The following METTL24 variants were observed in gnomAD, a reference collection of about 807,000 sequenced individuals.
The protein encoded by METTL24 is methyltransferase like 24.
In METTL24, 29 loss-of-function variants were observed where a neutral mutation model predicts 32.7. The observed-to-expected ratio is 0.89, with a 90% confidence interval of 0.66 to 1.21. The LOEUF (loss-of-function observed/expected upper bound fraction) is 1.21. METTL24 is among the 50% of genes most tolerant of loss of function. The probability of loss-of-function intolerance (pLI) is 0.00; values close to 1 mark genes in which losing one functional copy is unlikely to be tolerated. For missense variants in METTL24, 439 were observed against 468.1 expected (o/e 0.94, Z 0.57); for synonymous variants, 163 against 179.5 (o/e 0.91, Z 0.73).
chr6:110,255,550 G>A (rs117160677), intron 4 of METTL24, among the ~76,000 whole-genome samples: 1,582 of 152,246 alleles, frequency 0.01, 9 homozygotes, highest in Middle Eastern at 0.017. Flanking sequence ...AGGCAGAAGG[G>A]CAATGGCAGA....
At chr6:110,341,810 G>A (rs34524530) in intron 1 of METTL24, among the ~76,000 whole-genome samples, 10,998 of 152,244 alleles carry the variant, frequency 0.072, 504 homozygotes, top group Non-Finnish European at 0.1. Flanking sequence ...CATAACGTCC[G>A]TCTCACTCAC....
intron 1 of METTL24, among the ~76,000 whole-genome samples, chr6:110,336,747 A>C (rs1181124202): frequency 1.3e-5 from 2 of 151,988 alleles, no homozygotes; most frequent in African/African-American, 4.8e-5. Context: ...TCAAAAAAAA[A>C]AAAAAAAAAC....
At chr6:110,315,842 G>C (rs142622495) in intron 2 of METTL24, among the ~76,000 whole-genome samples, 3 of 152,136 alleles carry the variant, frequency 2.0e-5, no homozygotes, top group African/African-American at 7.2e-5. Flanking sequence ...TGAACCGAGA[G>C]GCTTGGACCA....
intron 4 of METTL24, among the ~76,000 whole-genome samples, chr6:110,251,971 C>T (rs1778288164): frequency 6.6e-6 from 1 of 151,940 alleles, no homozygotes; most frequent in Admixed American, 6.6e-5. Context: ...TGGCGAAATC[C>T]CTTCTCTACT....
intron 1 of METTL24, among the ~76,000 whole-genome samples, chr6:110,332,187 A>G (rs1219104241): frequency 2.0e-5 from 3 of 152,226 alleles, no homozygotes; most frequent in Non-Finnish European, 4.4e-5. Flanking sequence ...TAAAAAATAT[A>G]AGACAAGAAG....
At position 110,244,280 on chromosome 6, in the gene METTL24, A is replaced by G. The variant is rs1334781594; in HGVS notation, c.*1666T>C. 1.3e-5 allele frequency among the ~76,000 whole-genome samples: 2 copies of G among 152,204 alleles called. No individual in the cohort carries two copies. Among genetic ancestry groups the G allele is most frequent in the South Asian group, 2.1e-4 (1 of 4,830 alleles). On this transcript the variant is annotated 3_prime_UTR_variant, in exon 5 of 5. Transcript: ENST00000338882. ...TTTGAAGGCAGAAGAGGCAACAGCA[A>G]AGATACCCAGATTCTGCTCTGTGCT...
At chr6:110,305,530 C>G (rs578147165) in intron 3 of METTL24, among the ~76,000 whole-genome samples, 13 of 116,110 alleles carry the variant, frequency 1.1e-4, no homozygotes, top group African/African-American at 5.2e-4. Flanking sequence ...TATGAACAGA[C>G]GCTTTTCAAA....
At chr6:110,310,948 T>C (rs182740800) in intron 3 of METTL24, among the ~76,000 whole-genome samples, 10 of 152,342 alleles carry the variant, frequency 6.6e-5, no homozygotes, top group Admixed American at 1.3e-4. Context: ...TGGGAATTAC[T>C]GGGTATAGCA....
chr6:110,295,508 C>T (rs1220664911), intron 4 of METTL24, among the ~76,000 whole-genome samples: 1 of 152,232 alleles, frequency 6.6e-6, no homozygotes, highest in Non-Finnish European at 1.5e-5. Flanking sequence ...CAGAGGGCCC[C>T]AGCCCCAAGG....
intron 1 of METTL24, among the ~76,000 whole-genome samples, chr6:110,340,113 T>C (rs75757436): frequency 0.012 from 1,760 of 152,222 alleles, 38 homozygotes; most frequent in African/African-American, 0.04. Flanking sequence ...AACAACTGGC[T>C]ACTATCCTGA....
intron 4 of METTL24, 105 bp downstream of exon 4, chr6:110,298,817 A>T: frequency 1.1e-6 from 1 of 905,348 alleles, no homozygotes; most frequent in Non-Finnish European, 1.7e-6. Context: ...TTAAAATCGG[A>T]CCTTCAGCTA....
intron 1 of METTL24, among the ~76,000 whole-genome samples, chr6:110,338,199 A>G (rs1772278135): frequency 6.6e-6 from 1 of 152,210 alleles, no homozygotes; most frequent in Non-Finnish European, 1.5e-5. Context: ...ATAAATTATT[A>G]TAAACCCTAC....
chr6:110,256,407 C>T (rs1288442585), intron 4 of METTL24, among the ~76,000 whole-genome samples: 2 of 152,150 alleles, frequency 1.3e-5, no homozygotes, highest in African/African-American at 4.8e-5. Flanking sequence ...TCCTCCATTT[C>T]TGAACCCCAT....
intron 1 of METTL24, among the ~76,000 whole-genome samples, chr6:110,327,864 C>A (rs1487285564): frequency 6.6e-6 from 1 of 152,192 alleles, no homozygotes; most frequent in Non-Finnish European, 1.5e-5. Flanking sequence ...TGCCAGGGTA[C>A]ATTAAATGCC....
In METTL24 at chr6:110,245,928, T is replaced by C; in HGVS notation, c.*18A>G. On this transcript the variant is annotated 3_prime_UTR_variant, in exon 5 of 5. Transcript: ENST00000338882. ...ATTCTGCAAATATTTTCTTGTGCTC[T>C]TGATGACATCCTGCATCCTATTTCC... The C allele has an allele frequency of 6.3e-7, 1 of 1,590,004 alleles. No homozygotes were observed. The highest frequency in any genetic ancestry group is 2.2e-5 in the East Asian group (1 of 44,682).
At chr6:110,276,485 T>C (rs1771049916) in intron 4 of METTL24, among the ~76,000 whole-genome samples, 2 of 152,140 alleles carry the variant, frequency 1.3e-5, no homozygotes, top group African/African-American at 2.4e-5. Context: ...ACATGACTTG[T>C]ACTCTGTCAA....
chr6:110,254,423 G>C (rs1778343901), intron 4 of METTL24: 1 of 152,300 alleles, frequency 6.6e-6, no homozygotes, highest in Non-Finnish European at 1.5e-5. Context: ...TTTGAGGCCA[G>C]GAGTTCGAGA....
chr6:110,284,488 T>C (rs933515010), intron 4 of METTL24, among the ~76,000 whole-genome samples: 5 of 152,120 alleles, frequency 3.3e-5, no homozygotes, highest in Admixed American at 6.6e-5. Flanking sequence ...GATGGATGAA[T>C]AGATGAACAG....
intron 3 of METTL24, among the ~76,000 whole-genome samples, chr6:110,307,839 C>A (rs567343311): frequency 6.6e-6 from 1 of 152,182 alleles, no homozygotes; most frequent in Non-Finnish European, 1.5e-5. Flanking sequence ...TGAATTAAGA[C>A]AGCAACCTCT....
Sources: gnomAD v4.1 joint callset for allele counts (sites outside exome capture counted in the v4.1 genomes callset) on GRCh38, gnomAD v4.1.1 for gene constraint, MANE v1.5 for transcripts, NCBI Gene and HGNC (gene_info 2026-07-23, HGNC 2026-07-21) for gene names.